ERH: variants seen among roughly 807,000 people sequenced by gnomAD.
ERH encodes the protein ERH mRNA splicing and mitosis factor.
A neutral mutation model predicts 16.8 loss-of-function variants in ERH; 1 was observed. The ratio of observed to expected loss-of-function variants is 0.06; its 90% CI spans 0.02 to 0.28. ERH has a LOEUF of 0.28. Among genes scored for constraint, ERH ranks in the 10% least tolerant of loss-of-function variants. ERH has a pLI of 1.00. For synonymous variants in ERH, 43 were observed against 43.6 expected, an observed-to-expected ratio of 0.99 and a Z score of 0.05; for missense variants, 42 against 127.5, an observed-to-expected ratio of 0.33 and a Z score of 3.23.
chr14:69,380,251 T>C lies in ERH; in HGVS notation c.*287A>G, dbSNP rs1164920383. On this transcript the variant is annotated 3_prime_UTR_variant, in exon 4 of 4. Transcript: ENST00000557016. ...GTATGTGAATGTTATAAAGTAGATATGAACAGTTGAAGGACTGGAACCAAC... is the reference window on the plus strand; with the variant it reads ...GTATGTGAATGTTATAAAGTAGATACGAACAGTTGAAGGACTGGAACCAAC... 1.4e-5 allele frequency: 4 copies of C among 285,998 alleles called. No homozygotes were observed. The highest frequency in any genetic ancestry group is 8.8e-5 in the African/African-American group (4 of 45,436). 17.7% of individuals were successfully genotyped at this position (285,998 alleles called of 1,614,324 possible).
chr14:69,393,418 C>A (rs1313392610), intron 2 of ERH, among the ~76,000 whole-genome samples: 2 of 152,084 alleles, frequency 1.3e-5, no homozygotes, highest in Admixed American at 1.3e-4. Flanking sequence ...CAATGGATGA[C>A]TAGACAAAGG....
intron 2 of ERH, among the ~76,000 whole-genome samples, chr14:69,391,654 C>CA (rs58399149): frequency 0.064 from 1,405 of 21,934 alleles, 370 homozygotes; most frequent in African/African-American, 0.087. Context: ...TCTCGCACGC[C>CA]AAAAAAAAAA....
chr14:69,393,842 T>G (rs756008556), intron 2 of ERH, among the ~76,000 whole-genome samples: 45 of 152,046 alleles, frequency 3.0e-4, no homozygotes, highest in Non-Finnish European at 5.6e-4. Context: ...TGCAACACAG[T>G]GACCCCATCT....
intron 2 of ERH, among the ~76,000 whole-genome samples, chr14:69,390,906 T>C (rs564647609): frequency 6.6e-6 from 1 of 152,304 alleles, no homozygotes; most frequent in African/African-American, 2.4e-5. Flanking sequence ...AAAGATGACA[T>C]TGTATGTCAT....
intron 2 of ERH, among the ~76,000 whole-genome samples, chr14:69,389,521 A>G (rs1161413666): frequency 6.6e-6 from 1 of 152,244 alleles, no homozygotes; most frequent in Non-Finnish European, 1.5e-5. Context: ...AGATGACATT[A>G]TCTTACAGAT....
rs755627154 is a variant in ERH, at chr14:69,398,246, T to C, written c.-13A>G. The C allele has an allele frequency of 1.9e-6, 3 of 1,613,812 alleles. No homozygotes were observed. The African/African-American group carries it at 4.0e-5, about 22-fold the overall frequency. ...CCTTTCTCACCATCGCGCCAAACTC[T>C]CTTCGCTACAGCAGCTGCCGACACC... On this transcript the variant is annotated 5_prime_UTR_variant, in exon 1 of 4. Transcript: ENST00000557016.
At chr14:69,396,899 TCAA>T (rs754766683) in intron 1 of ERH, among the ~76,000 whole-genome samples, 9 of 152,342 alleles carry the variant, frequency 5.9e-5, no homozygotes, top group East Asian at 1.9e-4. Flanking sequence ...TCAAAAAGTT[TCAA>T]CGAGTCATTT....
chr14:69,395,246 A>G (rs2140234754), intron 1 of ERH, among the ~76,000 whole-genome samples: 1 of 152,304 alleles, frequency 6.6e-6, no homozygotes, highest in African/African-American at 2.4e-5. Context: ...CTGAGACTGC[A>G]GTGTGCCATG....
chr14:69,396,028 G>A (rs1478562990), intron 1 of ERH, among the ~76,000 whole-genome samples: 5 of 152,170 alleles, frequency 3.3e-5, no homozygotes, highest in African/African-American at 1.2e-4. Flanking sequence ...ATGTCCCTTG[G>A]GGAGCAAAAA....
intron 2 of ERH, 100 bp from the exon 3 acceptor site, chr14:69,387,183 C>T: frequency 1.1e-6 from 1 of 936,146 alleles, no homozygotes; most frequent in Non-Finnish European, 1.6e-6. Flanking sequence ...ATCATATTTA[C>T]TTTAATAAAG....
At chr14:69,389,746 C>A (rs1035876849) in intron 2 of ERH, among the ~76,000 whole-genome samples, 3 of 152,084 alleles carry the variant, frequency 2.0e-5, no homozygotes, top group African/African-American at 7.3e-5. Flanking sequence ...AACGTGTACA[C>A]CCTACACTAT....
At chr14:69,381,920 C>G (rs1210663504) in intron 3 of ERH, among the ~76,000 whole-genome samples, 1 of 152,166 alleles carries the variant, frequency 6.6e-6, no homozygotes, top group African/African-American at 2.4e-5. Context: ...GAACTCCTGA[C>G]CCTCAAGTGA....
chr14:69,390,415 T>C (rs1415379711), intron 2 of ERH, among the ~76,000 whole-genome samples: 2 of 152,222 alleles, frequency 1.3e-5, no homozygotes, highest in South Asian at 2.1e-4. Flanking sequence ...CTCACATTTA[T>C]GGTCAACTGC....
chr14:69,398,051 G>A (rs1486005772), intron 1 of ERH, 180 bp downstream of exon 1: 2 of 779,232 alleles, frequency 2.6e-6, no homozygotes, highest in South Asian at 1.7e-5. Context: ...CCGGGGCTCC[G>A]AGGCCTAGAG....
chr14:69,398,131 G>A lies in ERH; in HGVS notation c.3+100C>T, dbSNP rs1882413176. The A allele has an allele frequency of 2.2e-6, 3 of 1,358,428 alleles. No homozygotes were observed. The African/African-American group carries it at 4.3e-5, about 19-fold the overall frequency. The allele number at this position is 1,358,428 out of a possible 1,614,324, so 84.1% of individuals were successfully genotyped here. A position where few individuals can be genotyped will look rare whatever the true frequency, so the allele number is the denominator to read the frequency against. ...ACTAGAGTGGCGGGGAGCATCACGC[G>A]GCGCTGCATGGGGCTCGTGGGGAGG... On this transcript the variant is annotated intron_variant, in intron 1 of 3. Transcript: ENST00000557016.
At chr14:69,397,947 CCCT>C (rs1268344433) in intron 1 of ERH, 2 of 584,882 alleles carry the variant, frequency 3.4e-6, no homozygotes, top group Non-Finnish European at 6.1e-6. Context: ...CCCCACGTCT[CCCT>C]CTACCGAGTA....
At chr14:69,395,111 T>A (rs1444153511) in intron 1 of ERH, among the ~76,000 whole-genome samples, 199 bp from the exon 2 acceptor site, 2 of 152,094 alleles carry the variant, frequency 1.3e-5, no homozygotes, top group East Asian at 3.9e-4. Flanking sequence ...GGCCAGAAGC[T>A]TGAGACCAAC....
intron 2 of ERH, among the ~76,000 whole-genome samples, chr14:69,390,259 A>G (rs1001051813): frequency 6.6e-6 from 1 of 151,614 alleles, no homozygotes; most frequent in East Asian, 1.9e-4. Flanking sequence ...CAGCCAAAAT[A>G]ATCTTGAAAA....
rs549487651 is a variant in ERH at position 69,381,267 on chromosome 14, A to AAAAAAC, written c.213-633_213-628dup. ...CTCCTGTGAGTGAGACTCCATCTCA[A>AAAAAAC]AAAAACAAAAACAACAATACTAGAA... is the stretch of plus-strand genomic sequence containing the variant. On this transcript the variant is annotated intron_variant, in intron 3 of 3. Transcript: ENST00000557016. Among the ~76,000 whole-genome samples, 473 of 152,334 alleles carry AAAAAAC rather than the reference A, an allele frequency of 3.1e-3. 4 individuals carry two copies. The highest frequency in any genetic ancestry group is 0.011 in the African/African-American group (459 of 41,566).
Sources: allele counts gnomAD v4.1 joint callset (sites outside exome capture counted in the v4.1 genomes callset), GRCh38; gene constraint gnomAD v4.1.1; transcripts MANE v1.5; gene names NCBI Gene and HGNC (gene_info 2026-07-23, HGNC 2026-07-21).